COBLL1: variants seen among roughly 807,000 people sequenced by gnomAD.
COBLL1 encodes cordon-bleu WH2 repeat protein like 1.
A neutral mutation model predicts 94.8 loss-of-function variants in COBLL1; 50 were observed. The observed-to-expected ratio is 0.53, with a 90% CI of 0.42 to 0.67. The LOEUF is 0.67. Among genes scored for constraint, COBLL1 ranks in the 30% least tolerant of loss-of-function variants. The pLI, the probability that COBLL1 is intolerant of heterozygous loss-of-function variation, is 0.00. For missense variants in COBLL1, 1,362 were observed against 1,348.7 expected, an observed-to-expected ratio of 1.01 and a Z score of -0.15; for synonymous variants, 448 against 473.8, an observed-to-expected ratio of 0.95 and a Z score of 0.71.
At chr2:164,772,179 G>C (rs1031760626) in intron 2 of COBLL1, 2 of 151,872 alleles carry the variant, frequency 1.3e-5, no homozygotes, top group African/African-American at 4.8e-5. Context: ...GTGACAGATA[G>C]TAATTTGATA....
At chr2:164,701,021 C>CT (rs1684225216) in intron 9 of COBLL1, among the ~76,000 whole-genome samples, 1 of 152,120 alleles carries the variant, frequency 6.6e-6, no homozygotes, top group Non-Finnish European at 1.5e-5. Flanking sequence ...ATCTCATAAA[C>CT]TTTAAGTTAA....
chr2:164,725,101 G>GATATATATAT (rs760164549), intron 5 of COBLL1: 34 of 76,292 alleles, frequency 4.5e-4, no homozygotes, highest in South Asian at 3.4e-3. Context: ...TACCCTGCAG[G>GATATATATAT]ATATATATAT....
intron 3 of COBLL1, among the ~76,000 whole-genome samples, chr2:164,732,286 T>C (rs1484184353): frequency 6.6e-6 from 1 of 152,256 alleles, no homozygotes; most frequent in African/African-American, 2.4e-5. Context: ...TTTTACATCC[T>C]TCTTTTGAGC....
chr2:164,788,768 C>A (rs1184042901), intron 2 of COBLL1, among the ~76,000 whole-genome samples: 1 of 151,294 alleles, frequency 6.6e-6, no homozygotes, highest in Non-Finnish European at 1.5e-5. Flanking sequence ...GCAGGAAGAT[C>A]ACCTAAGGTC....
intron 2 of COBLL1, among the ~76,000 whole-genome samples, chr2:164,752,437 A>ACAACAC (rs60292209): frequency 6.6e-6 from 1 of 151,806 alleles, no homozygotes; most frequent in African/African-American, 2.4e-5. Context: ...AAAAACAACA[A>ACAACAC]GTGAATGAGC....
chr2:164,803,136 G>T (rs1417737324), intron 2 of COBLL1, among the ~76,000 whole-genome samples: 1 of 152,098 alleles, frequency 6.6e-6, no homozygotes, highest in African/African-American at 2.4e-5. Flanking sequence ...CAAAATATTT[G>T]GAGAATGTTA....
chr2:164,800,725 A>G (rs910469495), intron 2 of COBLL1, among the ~76,000 whole-genome samples: 1 of 152,224 alleles, frequency 6.6e-6, no homozygotes, highest in African/African-American at 2.4e-5. Context: ...ACTTAGCTAT[A>G]AAGAGGAACC....
intron 5 of COBLL1, 27 bp downstream of exon 5, chr2:164,727,942 A>G (rs1685795121): frequency 6.9e-7 from 1 of 1,443,064 alleles, no homozygotes; most frequent in Non-Finnish European, 9.7e-7. Flanking sequence ...CATCCCACTA[A>G]ATAAATAAAA....
intron 2 of COBLL1, among the ~76,000 whole-genome samples, chr2:164,754,129 T>G (rs1395599850): frequency 6.6e-6 from 1 of 152,166 alleles, no homozygotes; most frequent in Non-Finnish European, 1.5e-5. Context: ...GTGCTATAAG[T>G]GTAAAATACA....
intron 9 of COBLL1, among the ~76,000 whole-genome samples, chr2:164,702,103 C>G (rs561600434): frequency 4.6e-5 from 7 of 151,646 alleles, no homozygotes; most frequent in Non-Finnish European, 7.4e-5. Context: ...GTATTTTTAT[C>G]ATTAATAAAA....
At chr2:164,675,229 G>A (rs1485701549), downstream of COBLL1, among the ~76,000 whole-genome samples, 1 of 152,162 alleles carries the variant, frequency 6.6e-6, no homozygotes, top group Non-Finnish European at 1.5e-5. Flanking sequence ...GGTTGGGAAG[G>A]AGGAAACCAA....
intron 1 of COBLL1, among the ~76,000 whole-genome samples, chr2:164,673,400 C>T (rs1053789981): frequency 6.6e-5 from 10 of 152,190 alleles, no homozygotes; most frequent in South Asian, 2.1e-4. Flanking sequence ...CTAGGCCAGG[C>T]GCAGTGGCTC....
intron 3 of COBLL1, among the ~76,000 whole-genome samples, chr2:164,740,754 A>G (rs1686545888): frequency 6.6e-6 from 1 of 152,198 alleles, no homozygotes; most frequent in Non-Finnish European, 1.5e-5. Flanking sequence ...AATAAATATG[A>G]TATAAAGTGT....
At chr2:164,708,285 C>G (rs1240795215) in intron 7 of COBLL1, among the ~76,000 whole-genome samples, 1 of 152,030 alleles carries the variant, frequency 6.6e-6, no homozygotes, top group Non-Finnish European at 1.5e-5. Context: ...GCCTGCCACC[C>G]AAACTCAGAT....
At chr2:164,831,501 A>G (rs1683073835) in intron 2 of COBLL1, among the ~76,000 whole-genome samples, 1 of 151,656 alleles carries the variant, frequency 6.6e-6, no homozygotes, top group African/African-American at 2.4e-5. Context: ...TTTTTCTACC[A>G]CTTTCAGCTT....
At chr2:164,815,964 T>G (rs1293159143) in intron 2 of COBLL1, among the ~76,000 whole-genome samples, 1 of 152,004 alleles carries the variant, frequency 6.6e-6, no homozygotes, top group African/African-American at 2.4e-5. Flanking sequence ...GAAAACCCAG[T>G]AGGGACAAAA....
intron 5 of COBLL1, chr2:164,727,203 G>C: frequency 1.1e-6 from 1 of 940,862 alleles, no homozygotes; most frequent in Non-Finnish European, 1.6e-6. Flanking sequence ...GTTTGTTCAA[G>C]TATAAAACAT....
chr2:164,786,592 T>TA, intron 2 of COBLL1, among the ~76,000 whole-genome samples: 1 of 152,218 alleles, frequency 6.6e-6, no homozygotes, highest in South Asian at 2.1e-4. Flanking sequence ...GTGATAACAC[T>TA]AAAAAAATCA....
At chr2:164,783,803 C>A (rs895320246) in intron 2 of COBLL1, among the ~76,000 whole-genome samples, 3 of 151,808 alleles carry the variant, frequency 2.0e-5, no homozygotes, top group Admixed American at 6.6e-5. Flanking sequence ...CCAATCACGA[C>A]AAAATATAAA....
Sources: allele counts gnomAD v4.1 joint callset (sites outside exome capture counted in the v4.1 genomes callset), GRCh38; gene constraint gnomAD v4.1.1; transcripts MANE v1.5; gene names NCBI Gene and HGNC (gene_info 2026-07-23, HGNC 2026-07-21).